The following CNBD1 variants were observed in gnomAD, a reference collection of about 807,000 sequenced individuals.
CNBD1 encodes cyclic nucleotide binding domain containing 1.
A neutral mutation model predicts 54.4 loss-of-function variants in CNBD1; 71 were observed. The ratio of observed to expected loss-of-function variants is 1.30; its 90% CI spans 1.08 to 1.59. The LOEUF is 1.59. Among genes scored for constraint, CNBD1 ranks in the 40% most tolerant of loss-of-function variants. The pLI, the probability that CNBD1 is intolerant of heterozygous loss-of-function variation, is 0.00. For missense variants in CNBD1, 659 were observed against 518.0 expected, an observed-to-expected ratio of 1.27 and a Z score of -2.64; for synonymous variants, 182 against 170.7, an observed-to-expected ratio of 1.07 and a Z score of -0.51.
At chr8:87,421,233 AT>A (rs927946570) in intron 2 of CNBD1, among the ~76,000 whole-genome samples, 7 of 149,980 alleles carry the variant, frequency 4.7e-5, no homozygotes, top group Admixed American at 1.3e-4. Context: ...TTTCTTTTTT[AT>A]TTTTTTATTT....
Position 87,206,156 on chromosome 8 carries a change from G to C in CNBD1, c.577+18G>C. The C allele has an allele frequency of 6.6e-7, 1 of 1,516,212 alleles. No individual in the cohort carries two copies. The highest frequency in any genetic ancestry group is 1.4e-5 in the African/African-American group (1 of 70,444). The allele number at this position is 1,516,212 out of a possible 1,614,324, so 93.9% of individuals were successfully genotyped here. ...CAGCACAGGTAATAGACTAATGTGG[G>C]ATAAATTTGGCGAGATAAAATGCAG... On this transcript the variant is annotated intron_variant, in intron 5 of 10. Transcript: ENST00000518476.
intron 10 of CNBD1, among the ~76,000 whole-genome samples, chr8:87,376,981 T>C (rs946004004): frequency 6.6e-6 from 1 of 151,050 alleles, no homozygotes; most frequent in Non-Finnish European, 1.5e-5. Flanking sequence ...TCATATACAA[T>C]ACTAAGTGTT....
In CNBD1 at chr8:87,255,934, T is replaced by C. The variant is rs1165468905; in HGVS notation, c.771+18822T>C. 2.2e-5 allele frequency among the ~76,000 whole-genome samples: 3 copies of C among 136,292 alleles called. No individual in the cohort carries two copies. In the East Asian group the frequency reaches 6.6e-4, roughly 30 times the overall value. The allele number at this position is 136,292 out of a possible 152,430, so 89.4% of individuals were successfully genotyped here. A position where few individuals can be genotyped will look rare whatever the true frequency, so the allele number is the denominator to read the frequency against. On this transcript the variant is annotated intron_variant, in intron 6 of 10. Coordinates refer to ENST00000518476, the MANE Select transcript of CNBD1 (RefSeq NM_173538.3). ...AAAAAGACTGATGTTGCAAGATTCA[T>C]ATATATATATAAAATACTCATATGA...
intron 8 of CNBD1, among the ~76,000 whole-genome samples, chr8:87,320,053 C>G (rs1362081619): frequency 6.6e-6 from 1 of 152,082 alleles, no homozygotes; most frequent in Admixed American, 6.6e-5. Flanking sequence ...GTACAGACTT[C>G]ACACCATCTG....
chr8:87,066,541 T>C (rs1242644016), intron 4 of CNBD1, among the ~76,000 whole-genome samples: 1 of 151,970 alleles, frequency 6.6e-6, no homozygotes, highest in African/African-American at 2.4e-5. Context: ...CTAAAACTTT[T>C]CAATTAAATA....
At chr8:87,370,843 G>T in intron 10 of CNBD1, among the ~76,000 whole-genome samples, 1 of 150,472 alleles carries the variant, frequency 6.6e-6, no homozygotes, top group Non-Finnish European at 1.5e-5. Context: ...TTTTCTTCTA[G>T]GGTTTTTATG....
At chr8:87,169,518 T>G (rs1253499877) in intron 4 of CNBD1, among the ~76,000 whole-genome samples, 1 of 152,242 alleles carries the variant, frequency 6.6e-6, no homozygotes, top group East Asian at 1.9e-4. Context: ...CAATGTTTTC[T>G]TGTAGTAGTT....
chr8:86,990,059 C>A (rs1808709555), intron 4 of CNBD1, among the ~76,000 whole-genome samples: 1 of 152,090 alleles, frequency 6.6e-6, no homozygotes, highest in African/African-American at 2.4e-5. Context: ...AGATTCTTTG[C>A]TATAGAATTG....
intron 4 of CNBD1, among the ~76,000 whole-genome samples, chr8:87,002,466 C>T (rs1196192468): frequency 6.6e-6 from 1 of 152,160 alleles, no homozygotes; most frequent in Non-Finnish European, 1.5e-5. Context: ...CATGACTTCA[C>T]ACGTAATACT....
intron 4 of CNBD1, among the ~76,000 whole-genome samples, chr8:86,944,428 G>A (rs1273571940): frequency 6.6e-6 from 1 of 152,116 alleles, no homozygotes; most frequent in Non-Finnish European, 1.5e-5. Flanking sequence ...AAAAGCTAAT[G>A]CAGAATAAGG....
At position 87,094,894 on chromosome 8, in the gene CNBD1, C is replaced by T. The variant is rs572567925; in HGVS notation, c.432-111099C>T. Among the ~76,000 whole-genome samples, 396 of 152,242 alleles carry T rather than the reference C, an allele frequency of 2.6e-3. 1 individual carries two copies. The highest frequency in any genetic ancestry group is 9.2e-3 in the African/African-American group (384 of 41,532). The stretch of plus-strand genomic sequence containing the variant: ...CTCTACTAAAAATACAAAAAATTAG[C>T]TGGGCATGGTGAAAGTCACCTGTAA... On this transcript the variant is annotated intron_variant, in intron 4 of 10. Coordinates refer to ENST00000518476, the MANE Select transcript of CNBD1 (RefSeq NM_173538.3).
intron 2 of CNBD1, among the ~76,000 whole-genome samples, chr8:87,390,388 A>C (rs921498703): frequency 2.6e-5 from 4 of 152,218 alleles, no homozygotes; most frequent in Non-Finnish European, 4.4e-5. Context: ...CAATGAACTT[A>C]AACAAATTTA....
In CNBD1 at chr8:87,037,339, C is replaced by T. The variant is rs185347947; in HGVS notation, c.431+97585C>T. 5.9e-3 allele frequency among the ~76,000 whole-genome samples: 902 copies of T among 152,000 alleles called. 17 individuals carry two copies. The highest frequency in any genetic ancestry group is 0.021 in the African/African-American group (862 of 41,464). ...TATATAAACTTTTTCCATTCATTTT[C>T]CTGAACATTTGATTGTCTTCATCAG... On this transcript the variant is annotated intron_variant, in intron 4 of 10. Coordinates refer to ENST00000518476, the MANE Select transcript of CNBD1 (RefSeq NM_173538.3).
intron 2 of CNBD1, among the ~76,000 whole-genome samples, chr8:87,427,978 T>A (rs1808077733): frequency 6.6e-6 from 1 of 152,068 alleles, no homozygotes; most frequent in African/African-American, 2.4e-5. Context: ...TTGGTTTGGT[T>A]TGGGTAGGGT....
intron 4 of CNBD1, among the ~76,000 whole-genome samples, chr8:87,097,049 C>T (rs976962440): frequency 7.2e-5 from 11 of 152,018 alleles, no homozygotes; most frequent in African/African-American, 2.7e-4. Context: ...CAGAGTACTA[C>T]TTGAGCCTCA....
intron 6 of CNBD1, among the ~76,000 whole-genome samples, chr8:87,278,491 G>A (rs149760586): frequency 6.6e-6 from 1 of 151,572 alleles, no homozygotes; most frequent in South Asian, 2.1e-4. Context: ...GAATGCCAGA[G>A]AACAATAACA....
chr8:87,035,624 G>A (rs1809916682), intron 4 of CNBD1, among the ~76,000 whole-genome samples: 2 of 152,130 alleles, frequency 1.3e-5, no homozygotes, highest in South Asian at 4.1e-4. Context: ...TTTTTATTCT[G>A]TGTTTCTAAA....
At chr8:86,959,458 C>G (rs887861868) in intron 4 of CNBD1, among the ~76,000 whole-genome samples, 6 of 152,158 alleles carry the variant, frequency 3.9e-5, no homozygotes, top group African/African-American at 1.4e-4. Flanking sequence ...CAGCTTGGTT[C>G]CATTCTCCCC....
chr8:87,370,423 C>T (rs1563573576), intron 10 of CNBD1, among the ~76,000 whole-genome samples: 2 of 152,112 alleles, frequency 1.3e-5, no homozygotes, highest in African/African-American at 2.4e-5. Context: ...GCCATTCTAA[C>T]TGGTGTGAGA....
Sources: gnomAD v4.1 joint callset for allele counts (sites outside exome capture counted in the v4.1 genomes callset) on GRCh38, gnomAD v4.1.1 for gene constraint, MANE v1.5 for transcripts, NCBI Gene and HGNC (gene_info 2026-07-23, HGNC 2026-07-21) for gene names.